LYPD6: variants seen among roughly 807,000 people sequenced by gnomAD.
LYPD6 encodes ly6/PLAUR domain-containing protein 6.
LYPD6 carries 15 observed loss-of-function variants against 22.7 expected under a neutral mutation model. The ratio of observed to expected loss-of-function variants is 0.66; its 90% confidence interval spans 0.44 to 1.02. LYPD6 has a LOEUF of 1.02. Ranked by LOEUF, LYPD6 falls within the 50% of genes least tolerant of loss-of-function variation. The probability of loss-of-function intolerance (pLI) is 0.00; values close to 1 mark genes in which losing one functional copy is unlikely to be tolerated. For missense variants in LYPD6, 189 were observed against 208.4 expected (o/e 0.91, Z 0.57); for synonymous variants, 72 against 77.5 (o/e 0.93, Z 0.37).
intron 1 of LYPD6, among the ~76,000 whole-genome samples, chr2:149,395,093 A>G (rs1682399003): frequency 6.6e-6 from 1 of 151,384 alleles, no homozygotes; most frequent in Non-Finnish European, 1.5e-5. Flanking sequence ...ATGAGGTGGG[A>G]GACCAACCAT....
intron 1 of LYPD6, among the ~76,000 whole-genome samples, chr2:149,352,787 A>C (rs1681382948): frequency 6.6e-6 from 1 of 152,240 alleles, no homozygotes; most frequent in South Asian, 2.1e-4. Context: ...GCTGGGCCCT[A>C]CATAGGATTG....
At chr2:149,377,552 G>T (rs1681952892) in intron 1 of LYPD6, among the ~76,000 whole-genome samples, 1 of 152,176 alleles carries the variant, frequency 6.6e-6, no homozygotes, top group Non-Finnish European at 1.5e-5. Flanking sequence ...GGCCAAGGTG[G>T]GTGAATCACC....
chr2:149,387,854 C>T (rs1682221442), intron 1 of LYPD6, among the ~76,000 whole-genome samples: 1 of 152,176 alleles, frequency 6.6e-6, no homozygotes, highest in Non-Finnish European at 1.5e-5. Flanking sequence ...GTGCATAAAA[C>T]CAAGGCTCAT....
chr2:149,442,429 C>A (rs532249590), intron 2 of LYPD6, among the ~76,000 whole-genome samples: 1 of 152,090 alleles, frequency 6.6e-6, no homozygotes, highest in East Asian at 1.9e-4. Flanking sequence ...GGCACTTTGG[C>A]GTTTCTTTTT....
chr2:149,482,875 A>G, the LYPD6 span, among the ~76,000 whole-genome samples: 2 of 152,164 alleles, frequency 1.3e-5, no homozygotes, highest in Non-Finnish European at 2.9e-5. Context: ...CCAAGGATCA[A>G]ATCCTGACTT....
intron 2 of LYPD6, chr2:149,440,049 A>C (rs1381803953): frequency 6.5e-6 from 1 of 152,834 alleles, no homozygotes; most frequent in African/African-American, 2.4e-5. Context: ...ATGTCACTTT[A>C]CAAAAATAAT....
chr2:149,421,021 G>A (rs765246105), intron 1 of LYPD6, among the ~76,000 whole-genome samples: 17 of 152,316 alleles, frequency 1.1e-4, no homozygotes, highest in Non-Finnish European at 1.9e-4. Context: ...GAGCCATCAT[G>A]AGGAGTTTTT....
chr2:149,435,936 A>C (rs1683421118), intron 1 of LYPD6, among the ~76,000 whole-genome samples: 1 of 152,228 alleles, frequency 6.6e-6, no homozygotes, highest in Non-Finnish European at 1.5e-5. Flanking sequence ...TATGCATTTT[A>C]TGGTTTCAGC....
chr2:149,448,681 C>T (rs1179103415), intron 2 of LYPD6, among the ~76,000 whole-genome samples: 1 of 152,168 alleles, frequency 6.6e-6, no homozygotes, highest in African/African-American at 2.4e-5. Flanking sequence ...GGAAACTCAC[C>T]CAAGTTGTTG....
chr2:149,425,179 C>T (rs1176951550), intron 1 of LYPD6, among the ~76,000 whole-genome samples: 1 of 152,158 alleles, frequency 6.6e-6, no homozygotes, highest in Non-Finnish European at 1.5e-5. Flanking sequence ...GATCCTCTTC[C>T]TGCGTCTCAC....
intron 1 of LYPD6, among the ~76,000 whole-genome samples, chr2:149,411,793 T>C (rs1347543278): frequency 2.0e-5 from 3 of 152,144 alleles, no homozygotes; most frequent in African/African-American, 7.2e-5. Context: ...CTCACTCCCT[T>C]AGTGATGGCT....
At chr2:149,366,322 C>T (rs187302595) in intron 1 of LYPD6, among the ~76,000 whole-genome samples, 129 of 152,198 alleles carry the variant, frequency 8.5e-4, no homozygotes, top group Admixed American at 1.3e-3. Context: ...AAATAAATGC[C>T]GGCGTGTTCA....
chr2:149,412,417 A>G (rs1366096415), intron 1 of LYPD6, among the ~76,000 whole-genome samples: 1 of 150,302 alleles, frequency 6.7e-6, no homozygotes, highest in Admixed American at 6.6e-5. Context: ...GTTTTTCATG[A>G]TCTAATCTTC....
At chr2:149,393,152 C>T (rs181379062) in intron 1 of LYPD6, among the ~76,000 whole-genome samples, 1 of 152,318 alleles carries the variant, frequency 6.6e-6, no homozygotes, top group African/African-American at 2.4e-5. Context: ...TCCGAAGTTA[C>T]AATGACTCAG....
intron 1 of LYPD6, among the ~76,000 whole-genome samples, chr2:149,433,088 A>G (rs1166008261): frequency 6.6e-6 from 1 of 152,244 alleles, no homozygotes; most frequent in Non-Finnish European, 1.5e-5. Flanking sequence ...CCTAGAAAAG[A>G]CATACTCTTT....
intron 3 of LYPD6, among the ~76,000 whole-genome samples, chr2:149,460,146 A>G (rs1472802237): frequency 6.6e-6 from 1 of 152,182 alleles, no homozygotes; most frequent in Non-Finnish European, 1.5e-5. Flanking sequence ...AAAAACAAAA[A>G]CAAGACAGAA....
rs571165345 is a variant in LYPD6 at position 149,366,608 on chromosome 2, G to T, written c.-72+35886G>T. Among the ~76,000 whole-genome samples, 3 of 152,294 alleles carry T rather than the reference G, an allele frequency of 2.0e-5. No individual in the cohort carries two copies. In the South Asian group the frequency reaches 6.2e-4, roughly 32 times the overall value. ...GGAGGTGCACTTGCAGGGGGTGGAGGTTGGCCCAGAGGAAGGTTTTCATTC... is the reference window on the plus strand; with the variant it reads ...GGAGGTGCACTTGCAGGGGGTGGAGTTTGGCCCAGAGGAAGGTTTTCATTC... On this transcript the variant is annotated intron_variant, in intron 1 of 4. Coordinates refer to ENST00000334166, the MANE Select transcript of LYPD6 (RefSeq NM_194317.5).
chr2:149,433,305 A>T (rs16826969), intron 1 of LYPD6, among the ~76,000 whole-genome samples: 1 of 152,032 alleles, frequency 6.6e-6, no homozygotes, highest in East Asian at 1.9e-4. Flanking sequence ...AGAGGTGGAT[A>T]TCTTGTAATG....
intron 1 of LYPD6, among the ~76,000 whole-genome samples, chr2:149,354,449 G>T (rs1224499927): frequency 1.3e-5 from 2 of 151,946 alleles, no homozygotes; most frequent in Admixed American, 6.6e-5. Context: ...CTCGTGATCT[G>T]CCCACCTCAG....
Sources: gnomAD v4.1 joint callset for allele counts (sites outside exome capture counted in the v4.1 genomes callset) on GRCh38, gnomAD v4.1.1 for gene constraint, MANE v1.5 for transcripts, NCBI Gene and HGNC (gene_info 2026-07-23, HGNC 2026-07-21) for gene names.